The following SLC36A1 variants were observed in gnomAD, a reference collection of about 807,000 sequenced individuals.
SLC36A1 encodes the protein proton-coupled amino acid transporter 1.
A neutral mutation model predicts 47.5 loss-of-function variants in SLC36A1; 30 were observed. That is an observed-to-expected ratio of 0.63 (90% confidence interval 0.47 to 0.86). The LOEUF is 0.86. Ranked by LOEUF, SLC36A1 falls within the 40% of genes least tolerant of loss-of-function variation. The pLI is 0.00. For missense variants in SLC36A1, 517 were observed against 606.0 expected (o/e 0.85, Z 1.54); for synonymous variants, 255 against 249.7 (o/e 1.02, Z -0.20).
At chr5:151,433,801 C>T (rs147055492), upstream of SLC36A1, among the ~76,000 whole-genome samples, 46 of 152,086 alleles carry the variant, frequency 3.0e-4, no homozygotes, top group Admixed American at 5.2e-4. Flanking sequence ...AGACAAATTC[C>T]GGAGCTGAGG....
upstream of SLC36A1, among the ~76,000 whole-genome samples, chr5:151,435,180 T>C (rs149597927): frequency 1.9e-3 from 282 of 152,264 alleles, 1 homozygote; most frequent in African/African-American, 6.7e-3. Flanking sequence ...TGGTGAAAAG[T>C]GTTACATTCA....
At chr5:151,425,650 AAAAT>A in the SLC36A1 span, among the ~76,000 whole-genome samples, 1 of 152,272 alleles carries the variant, frequency 6.6e-6, no homozygotes, top group African/African-American at 2.4e-5. Context: ...GACTGAAACA[AAAAT>A]AAAACCCATC....
chr5:151,347,256 G>T, the SLC36A1 span: 3 of 1,612,736 alleles, frequency 1.9e-6, no homozygotes, highest in Non-Finnish European at 2.5e-6. Context: ...CAAGCTTCAG[G>T]CTAGAAAGCA....
At chr5:151,382,216 T>G in the SLC36A1 span, 16 of 1,255,706 alleles carry the variant, frequency 1.3e-5, no homozygotes, top group South Asian at 2.0e-4. Context: ...GTGAACCTCA[T>G]CTGCAAGTGC....
chr5:151,532,533 G>A, the SLC36A1 span, among the ~76,000 whole-genome samples: 1 of 152,200 alleles, frequency 6.6e-6, no homozygotes, highest in African/African-American at 2.4e-5. Flanking sequence ...TGCTATGTAA[G>A]ATGCTCCCAT....
chr5:151,538,554 T>C, the SLC36A1 span, among the ~76,000 whole-genome samples: 2 of 152,216 alleles, frequency 1.3e-5, no homozygotes, highest in African/African-American at 4.8e-5. Flanking sequence ...TGGAGCTCCC[T>C]GAGAATTCAA....
chr5:151,437,868 G>A (rs1759863905), intron 1 of SLC36A1, among the ~76,000 whole-genome samples: 1 of 152,112 alleles, frequency 6.6e-6, no homozygotes, highest in African/African-American at 2.4e-5. Flanking sequence ...TTCTTCTGGA[G>A]GCTGTAGGGT....
chr5:151,394,203 G>C, the SLC36A1 span, among the ~76,000 whole-genome samples: 3 of 152,202 alleles, frequency 2.0e-5, no homozygotes, highest in Non-Finnish European at 4.4e-5. Flanking sequence ...ATCAGCTACT[G>C]AAGCTTGTGC....
the SLC36A1 span, among the ~76,000 whole-genome samples, chr5:151,501,484 A>G: frequency 6.8e-6 from 1 of 147,684 alleles, no homozygotes. Context: ...GGGTCCCAGG[A>G]GGGACCAGGC....
At chr5:151,541,596 G>A in the SLC36A1 span, among the ~76,000 whole-genome samples, 28 of 152,202 alleles carry the variant, frequency 1.8e-4, no homozygotes, top group Non-Finnish European at 3.1e-4. Context: ...AGAAAAAAAG[G>A]CCACAGGAGT....
In SLC36A1 at chr5:151,458,871, G is replaced by A; in HGVS notation, c.79G>A (p.Glu27Lys). The A allele has an allele frequency of 6.2e-7, 1 of 1,614,054 alleles. No homozygotes were observed. Among genetic ancestry groups the A allele is most frequent in the East Asian group, 2.2e-5 (1 of 44,878 alleles). ...CGTGAGCCCTGAGGAGAGCCCGTCG[G>A]AAGGCCTCAACAACCTCTCCTCCCC... ...TDVSPEESPS[E>K]GLNNLSSPGS... Residue 27 changes from glutamate to lysine, a missense_variant, in exon 2 of 11, where the codon GAA becomes AAA. Coordinates refer to ENST00000243389, the MANE Select transcript of SLC36A1 (RefSeq NM_078483.4).
the SLC36A1 span, chr5:151,512,783 G>C: frequency 4.8e-6 from 3 of 624,882 alleles, no homozygotes. This position sits in a 1 kb window ranked among gnomAD's most constrained non-coding sequence, Gnocchi z 4.1. Context: ...TTGTGTTGAT[G>C]GTCTCCTTTG....
the SLC36A1 span, among the ~76,000 whole-genome samples, chr5:151,404,526 G>A: frequency 6.6e-6 from 1 of 152,158 alleles, no homozygotes; most frequent in Non-Finnish European, 1.5e-5. Flanking sequence ...GTAGTTAAGT[G>A]TGTTTTTGTG....
the SLC36A1 span, chr5:151,347,159 C>T: frequency 5.9e-6 from 6 of 1,024,874 alleles, no homozygotes; most frequent in Non-Finnish European, 7.6e-6. Context: ...TTGACTCAGC[C>T]CATGACTGCA....
At chr5:151,550,293 T>C in the SLC36A1 span, among the ~76,000 whole-genome samples, 374 of 152,284 alleles carry the variant, frequency 2.5e-3, no homozygotes, top group Non-Finnish European at 4.4e-3. Context: ...TGACATTACA[T>C]GAATCCACAT....
chr5:151,546,005 A>T, the SLC36A1 span: 5 of 1,614,198 alleles, frequency 3.1e-6, no homozygotes, highest in East Asian at 2.2e-5. Flanking sequence ...AGGCCAGAAT[A>T]TGAGTTCATA....
chr5:151,438,128 G>C (rs1288355505), intron 1 of SLC36A1, among the ~76,000 whole-genome samples: 2 of 152,000 alleles, frequency 1.3e-5, no homozygotes, highest in Admixed American at 6.6e-5. Flanking sequence ...AAGGTAACAA[G>C]TTCCCGAGAT....
the SLC36A1 span, chr5:151,347,194 C>T: frequency 1.4e-6 from 2 of 1,430,928 alleles, no homozygotes. Flanking sequence ...GGTTTCTCAT[C>T]TGCACAGTGG....
the SLC36A1 span, among the ~76,000 whole-genome samples, chr5:151,525,228 G>C: frequency 0.68 from 102,701 of 152,144 alleles, 35,080 homozygotes; most frequent in East Asian, 0.92. Flanking sequence ...TAAAGTGAGG[G>C]AGAGATATCA....
Sources: gnomAD v4.1 joint callset for allele counts (sites outside exome capture counted in the v4.1 genomes callset) on GRCh38, gnomAD v4.1.1 for gene constraint, Gnocchi (gnomAD v3.1) non-coding constraint, MANE v1.5 for transcripts, NCBI Gene and HGNC (gene_info 2026-07-23, HGNC 2026-07-21) for gene names.